The following HMCN1 variants were observed in gnomAD, a reference collection of about 807,000 sequenced individuals.
The protein encoded by HMCN1 is hemicentin-1.
A neutral mutation model predicts 625.9 loss-of-function variants in HMCN1; 321 were observed. The observed-to-expected ratio is 0.51, with a 90% confidence interval of 0.47 to 0.56. The LOEUF (loss-of-function observed/expected upper bound fraction) is 0.56, where lower values mean the gene tolerates loss of function less well. HMCN1 is among the 20% of genes least tolerant of loss of function. The pLI is 0.00. For missense variants in HMCN1, 6,588 were observed against 6,887.3 expected (o/e 0.96, Z 1.54); for synonymous variants, 2,425 against 2,417.6 (o/e 1.00, Z -0.09).
In HMCN1 at chr1:186,187,878, C is replaced by T. The variant is rs984317223; in HGVS notation, c.16415-5C>T. 4.3e-6 allele frequency: 7 copies of T among 1,613,478 alleles called. No homozygotes were observed. Among genetic ancestry groups the T allele is most frequent in the Non-Finnish European group, 5.9e-6 (7 of 1,179,654 alleles). Reference sequence around the variant, plus strand: ...GATGCTGCATGTTCCCTGTGCTGTCCCTAGATATCGATGAATGTCTGGAGC... The same window carrying T: ...GATGCTGCATGTTCCCTGTGCTGTCTCTAGATATCGATGAATGTCTGGAGC... On this transcript the variant is annotated splice_polypyrimidine_tract_variant and splice_region_variant and intron_variant, in intron 105 of 106. Coordinates refer to ENST00000271588, the MANE Select transcript of HMCN1 (RefSeq NM_031935.3).
rs999512346 is a variant in HMCN1 at position 186,046,021 on chromosome 1, A to C, written c.6480+158A>C. On this transcript the variant is annotated intron_variant, in intron 41 of 106. Coordinates refer to ENST00000271588, the MANE Select transcript of HMCN1 (RefSeq NM_031935.3). ...ATTGATGAGGTTTGTAATATTTAAAAATTTTTTTGTTTAGTGAGATTTAAG... is the reference window on the plus strand; with the variant it reads ...ATTGATGAGGTTTGTAATATTTAAACATTTTTTTGTTTAGTGAGATTTAAG... 2.0e-5 allele frequency among the ~76,000 whole-genome samples: 3 copies of C among 152,132 alleles called. No homozygotes were observed. In the East Asian group the frequency reaches 5.8e-4, roughly 29 times the overall value.
Position 186,189,804 on chromosome 1 carries a change from T to C in HMCN1, c.16834T>C (p.Tyr5612His). Residue 5612 changes from tyrosine to histidine, a missense_variant, in exon 107 of 107, where the codon TAC (tyrosine) becomes CAC (histidine). Tyr to His is a moderately conservative substitution (Grantham distance 83). This residue lies in a region of HMCN1 where 1,954 missense variants were observed against 2,013.1 expected (regional missense o/e 0.97). Transcript: ENST00000271588. Reference sequence around the variant, plus strand: ...CCGCATGAGGGTCCGAGCCTCATCCTACAGTGCCAATGGGACCATTGAATA... The same window carrying C: ...CCGCATGAGGGTCCGAGCCTCATCCCACAGTGCCAATGGGACCATTGAATA... ...TYRMRVRASS[Y>H]SANGTIEYQT... 6.2e-7 allele frequency: 1 copy of C among 1,613,816 alleles called. No homozygotes were observed. Among genetic ancestry groups the C allele is most frequent in the Non-Finnish European group, 8.5e-7 (1 of 1,179,836 alleles).
intron 11 of HMCN1, among the ~76,000 whole-genome samples, chr1:185,953,748 G>A (rs1041739753): frequency 1.3e-5 from 2 of 151,806 alleles, no homozygotes; most frequent in Non-Finnish European, 2.9e-5. Flanking sequence ...CCCGATCCGA[G>A]TCACGGCACC....
At chr1:185,931,203 C>T (rs1309780122) in intron 10 of HMCN1, among the ~76,000 whole-genome samples, 1 of 152,092 alleles carries the variant, frequency 6.6e-6, no homozygotes, top group South Asian at 2.1e-4. Context: ...GTCTCATGGT[C>T]TTTACTTAAT....
chr1:186,038,782 A>G (rs1355253436), intron 37 of HMCN1, 47 bp from the exon 38 acceptor site: 2 of 1,157,614 alleles, frequency 1.7e-6, no homozygotes, highest in East Asian at 4.7e-5. Flanking sequence ...AGTATATTTA[A>G]TTTAAAAAAT....
chr1:185,741,907 A>G (rs1174675291), intron 1 of HMCN1, among the ~76,000 whole-genome samples: 1 of 152,216 alleles, frequency 6.6e-6, no homozygotes, highest in African/African-American at 2.4e-5. Flanking sequence ...TGCTTTGTTC[A>G]TGAGGCTAAA....
chr1:186,078,080 G>A (rs1658938479), intron 54 of HMCN1, 27 bp from the exon 55 acceptor site: 1 of 1,535,900 alleles, frequency 6.5e-7, no homozygotes, highest in Admixed American at 1.7e-5. Context: ...GATTAGAGGA[G>A]TAAACATAGT....
At chr1:186,094,414 AGT>A in intron 67 of HMCN1, 41 bp downstream of exon 67, 2 of 1,417,758 alleles carry the variant, frequency 1.4e-6, no homozygotes, top group Non-Finnish European at 2.0e-6. Flanking sequence ...TGCTATGTCA[AGT>A]ATTAAGCAAC....
intron 55 of HMCN1, among the ~76,000 whole-genome samples, chr1:186,080,446 A>AT (rs1439300942): frequency 6.6e-6 from 1 of 152,182 alleles, no homozygotes; most frequent in Non-Finnish European, 1.5e-5. Context: ...TAACATTTTC[A>AT]TTTTTAAAAT....
chr1:185,764,962 A>G (rs908599809), intron 1 of HMCN1, among the ~76,000 whole-genome samples: 3 of 152,096 alleles, frequency 2.0e-5, no homozygotes, highest in Non-Finnish European at 4.4e-5. Context: ...GAGCATCCCT[A>G]TGCAGCCTTA....
At chr1:186,103,064 T>G (rs1354126842) in intron 68 of HMCN1, among the ~76,000 whole-genome samples, 1 of 152,196 alleles carries the variant, frequency 6.6e-6, no homozygotes, top group Non-Finnish European at 1.5e-5. Context: ...TTCCACAGTA[T>G]TCACGCATTG....
chr1:186,079,955 C>A (rs1008884386), intron 55 of HMCN1, among the ~76,000 whole-genome samples: 3 of 152,034 alleles, frequency 2.0e-5, no homozygotes, highest in Admixed American at 2.0e-4. Flanking sequence ...GCAGCTGGAG[C>A]AGGTGGAAGC....
chr1:185,918,949 G>A (rs999060553), intron 6 of HMCN1, among the ~76,000 whole-genome samples: 1 of 151,962 alleles, frequency 6.6e-6, no homozygotes, highest in Non-Finnish European at 1.5e-5. Context: ...ACATTCTGTG[G>A]TGGAAAGGTG....
intron 1 of HMCN1, among the ~76,000 whole-genome samples, chr1:185,740,913 GA>G (rs1284135177): frequency 2.0e-5 from 3 of 152,116 alleles, no homozygotes; most frequent in African/African-American, 4.8e-5. Flanking sequence ...AGAATCGCTC[GA>G]ACCCTGGAGG....
intron 11 of HMCN1, 66 bp downstream of exon 11, chr1:185,933,890 C>T: frequency 6.9e-7 from 1 of 1,459,830 alleles, no homozygotes; most frequent in Non-Finnish European, 9.5e-7. Flanking sequence ...AATTTTTGTC[C>T]TCCCAAGTTG....
chr1:185,768,361 G>T (rs1656005686), intron 1 of HMCN1, among the ~76,000 whole-genome samples: 1 of 152,124 alleles, frequency 6.6e-6, no homozygotes, highest in Non-Finnish European at 1.5e-5. Context: ...AGAATTTTTA[G>T]AGGAGAGGGA....
chr1:186,148,909 G>A (rs1168401072), intron 93 of HMCN1, among the ~76,000 whole-genome samples: 2 of 151,452 alleles, frequency 1.3e-5, no homozygotes, highest in Admixed American at 6.6e-5. Flanking sequence ...TCACATGTCA[G>A]TGGGCAGTAA....
chr1:185,957,903 C>T (rs1245517299), intron 11 of HMCN1, among the ~76,000 whole-genome samples: 1 of 151,246 alleles, frequency 6.6e-6, no homozygotes, highest in East Asian at 1.9e-4. Context: ...TATATTATAA[C>T]TCTTTTTAAC....
chr1:185,741,607 G>A (rs1281333546), intron 1 of HMCN1, among the ~76,000 whole-genome samples: 1 of 152,180 alleles, frequency 6.6e-6, no homozygotes, highest in African/African-American at 2.4e-5. Flanking sequence ...AGAGAGATGA[G>A]GATGAATCAG....
Sources: gnomAD v4.1 joint callset for allele counts (sites outside exome capture counted in the v4.1 genomes callset) on GRCh38, gnomAD v4.1.1 for gene constraint, gnomAD v4.1.1 regional missense constraint, MANE v1.5 for transcripts, NCBI Gene and HGNC (gene_info 2026-07-23, HGNC 2026-07-21) for gene names.